BTNL8: variants seen among roughly 807,000 people sequenced by gnomAD.
BTNL8 encodes butyrophilin like 8.
A neutral mutation model predicts 36.1 loss-of-function variants in BTNL8; 22 were observed. The observed-to-expected ratio is 0.61, with a 90% CI of 0.44 to 0.87. The LOEUF is 0.87. BTNL8 is among the 40% of genes least tolerant of loss of function. The pLI, the probability that BTNL8 is intolerant of heterozygous loss-of-function variation, is 0.00. For missense variants in BTNL8, 526 were observed against 616.9 expected (o/e 0.85, Z 1.56); for synonymous variants, 203 against 235.6 (o/e 0.86, Z 1.27).
Position 180,903,152 on chromosome 5 carries a change from G to A in BTNL8, c.49+3793G>A, listed in dbSNP as rs533958146. Among the ~76,000 whole-genome samples, 38 of 120,896 alleles carry A rather than the reference G, an allele frequency of 3.1e-4. 8 individuals carry two copies. The highest frequency in any genetic ancestry group is 3.1e-3 in the South Asian group (14 of 4,468). 79.3% of individuals were successfully genotyped at this position (120,896 alleles called of 152,430 possible). On this transcript the variant is annotated intron_variant, in intron 1 of 7. Transcript: ENST00000340184. The stretch of plus-strand genomic sequence containing the variant: ...TTACAGTCCCACCAACAGTGTAAAA[G>A]TGTTCCTATTTCTCCAATCCTCTCC...
In BTNL8 at chr5:180,906,053, C is replaced by T. The variant is rs1003599324; in HGVS notation, c.50-2533C>T. 1.1e-4 allele frequency among the ~76,000 whole-genome samples: 16 copies of T among 144,266 alleles called. No homozygotes were observed. In the South Asian group the frequency reaches 3.2e-3, roughly 29 times the overall value. The allele number at this position is 144,266 out of a possible 152,430, so 94.6% of individuals were successfully genotyped here. A position where few individuals can be genotyped will look rare whatever the true frequency, so the allele number is the denominator to read the frequency against. ...TCTATTAGGTCCGCTTGGTGCAGAG[C>T]TGAGTTCAATTCCTGGGTATCCTTT... On this transcript the variant is annotated intron_variant, in intron 1 of 7. Transcript: ENST00000340184.
chr5:180,932,265 T>G (rs1468082403), intron 3 of BTNL8, among the ~76,000 whole-genome samples: 1 of 152,122 alleles, frequency 6.6e-6, no homozygotes, highest in Non-Finnish European at 1.5e-5. Flanking sequence ...AGATGATGAG[T>G]TGATGGGTGC....
intron 3 of BTNL8, among the ~76,000 whole-genome samples, chr5:180,928,531 C>T (rs1042574513): frequency 5.3e-5 from 8 of 152,104 alleles, no homozygotes; most frequent in Non-Finnish European, 1.2e-4. Context: ...AATTTGATAA[C>T]GGGTCATGAC....
intron 3 of BTNL8, among the ~76,000 whole-genome samples, chr5:180,941,445 A>G (rs1003972786): frequency 6.6e-6 from 1 of 152,216 alleles, no homozygotes; most frequent in Non-Finnish European, 1.5e-5. Context: ...AACTCATTCC[A>G]TGAGGACAGT....
At chr5:180,912,332 T>C (rs1354483807) in intron 3 of BTNL8, among the ~76,000 whole-genome samples, 1 of 152,152 alleles carries the variant, frequency 6.6e-6, no homozygotes. Flanking sequence ...TTCCATGATG[T>C]ATGCAAGCCA....
chr5:180,921,696 G>GAC (rs3222927), intron 3 of BTNL8, among the ~76,000 whole-genome samples: 1 of 123,292 alleles, frequency 8.1e-6, no homozygotes, highest in Admixed American at 8.0e-5. Context: ...CACACACACA[G>GAC]ACACACACAC....
At chr5:180,931,259 G>A (rs984499638) in intron 3 of BTNL8, among the ~76,000 whole-genome samples, 2 of 152,126 alleles carry the variant, frequency 1.3e-5, no homozygotes, top group Non-Finnish European at 2.9e-5. Flanking sequence ...CTAGCCATAC[G>A]TGGAAAACTG....
rs892212675 is a variant in BTNL8 at position 180,950,666 on chromosome 5, G to T, written c.*122G>T. On this transcript the variant is annotated 3_prime_UTR_variant, in exon 8 of 8. Coordinates refer to ENST00000340184, the MANE Select transcript of BTNL8 (RefSeq NM_001040462.3). Reference sequence around the variant, plus strand: ...GGGGGACTGGCCTGTCCACATGGGAGTCAGGTGTCATGGCTGCCCTGAGCT... The same window carrying T: ...GGGGGACTGGCCTGTCCACATGGGATTCAGGTGTCATGGCTGCCCTGAGCT... 8 of 1,036,696 alleles carry T rather than the reference G, an allele frequency of 7.7e-6. 3 individuals carry two copies. The allele number at this position is 1,036,696 out of a possible 1,614,324, so 64.2% of individuals were successfully genotyped here. A position where few individuals can be genotyped will look rare whatever the true frequency, so the allele number is the denominator to read the frequency against.
At chr5:180,943,521 G>A (rs1426009961) in intron 3 of BTNL8, among the ~76,000 whole-genome samples, 1 of 151,972 alleles carries the variant, frequency 6.6e-6, no homozygotes, top group Non-Finnish European at 1.5e-5. Flanking sequence ...TAGTCATCAG[G>A]GAAATGCAAA....
chr5:180,908,045 A>T (rs956938617), intron 1 of BTNL8, among the ~76,000 whole-genome samples: 1 of 152,130 alleles, frequency 6.6e-6, no homozygotes, highest in Non-Finnish European at 1.5e-5. Context: ...GGTGGGCTCC[A>T]CCCAGTTGGA....
At chr5:180,914,307 G>A (rs1757529000) in intron 3 of BTNL8, among the ~76,000 whole-genome samples, 1 of 152,100 alleles carries the variant, frequency 6.6e-6, no homozygotes, top group African/African-American at 2.4e-5. Context: ...GCAACAAGGT[G>A]CCATCTTGAA....
intron 3 of BTNL8, among the ~76,000 whole-genome samples, chr5:180,914,880 G>A (rs916280526): frequency 2.0e-5 from 3 of 152,112 alleles, no homozygotes; most frequent in South Asian, 2.1e-4. Context: ...CCTTCTACCC[G>A]CCTCACTGCT....
chr5:180,938,169 A>C (rs1758747207), intron 3 of BTNL8, among the ~76,000 whole-genome samples: 1 of 152,188 alleles, frequency 6.6e-6, no homozygotes, highest in South Asian at 2.1e-4. Flanking sequence ...TGATGAAAAA[A>C]AGAAAGAGAA....
chr5:180,943,784 C>T (rs1057117059), intron 3 of BTNL8, among the ~76,000 whole-genome samples: 4 of 152,194 alleles, frequency 2.6e-5, no homozygotes, highest in Non-Finnish European at 5.9e-5. Context: ...GAAATCTGCA[C>T]TCCTATGTTT....
intron 3 of BTNL8, among the ~76,000 whole-genome samples, chr5:180,946,803 G>A (rs776898387): frequency 2.0e-5 from 3 of 152,156 alleles, no homozygotes; most frequent in Non-Finnish European, 4.4e-5. Flanking sequence ...GATGATGGAT[G>A]TCTTAATTAG....
intron 3 of BTNL8, among the ~76,000 whole-genome samples, chr5:180,924,057 G>C (rs565381590): frequency 6.6e-6 from 1 of 152,318 alleles, no homozygotes; most frequent in African/African-American, 2.4e-5. Flanking sequence ...GCCTTACTCA[G>C]CGTGGGAGGC....
At chr5:180,904,843 T>C (rs1393356130) in intron 1 of BTNL8, among the ~76,000 whole-genome samples, 1 of 152,110 alleles carries the variant, frequency 6.6e-6, no homozygotes. Context: ...GATTTGCGTA[T>C]ATTGAACCAG....
chr5:180,908,563 A>C (rs903089319), intron 1 of BTNL8, 23 bp from the exon 2 acceptor site: 1 of 1,608,852 alleles, frequency 6.2e-7, no homozygotes. Flanking sequence ...TTGATGATTT[A>C]TCTTTTGTAT....
chr5:180,950,193 A>G lies in BTNL8; in HGVS notation c.1152A>G (p.Gly384=). The change falls in exon 8 of 8, where the codon GGA becomes GGG. Residue 384 remains glycine, a synonymous_variant. Transcript: ENST00000340184. ...GGTACTGGGTCCTCAGACTGAATGG[A>G]GAACATTTGTATTTCACATTAAATC... ...DHGYWVLRLN[G]EHLYFTLNPR... is the part of the protein sequence containing the mutation. 2 of 1,463,050 alleles carry G rather than the reference A, an allele frequency of 1.4e-6. 1 individual carries two copies. Among genetic ancestry groups the G allele is most frequent in the Non-Finnish European group, 1.9e-6 (2 of 1,058,846 alleles). 90.6% of individuals were successfully genotyped at this position (1,463,050 alleles called of 1,614,324 possible).
Sources: gnomAD v4.1 joint callset for allele counts (sites outside exome capture counted in the v4.1 genomes callset) on GRCh38, gnomAD v4.1.1 for gene constraint, MANE v1.5 for transcripts, NCBI Gene and HGNC (gene_info 2026-07-23, HGNC 2026-07-21) for gene names.